Variants in ASCC3 observed in about 807,000 individuals in gnomAD.
ASCC3 encodes the protein ASC-1 complex subunit P200.
A neutral mutation model predicts 256.3 loss-of-function variants in ASCC3; 158 were observed. The ratio of observed to expected loss-of-function variants is 0.62; its 90% CI spans 0.54 to 0.70. ASCC3 has a LOEUF of 0.70. Ranked by LOEUF, ASCC3 falls within the 30% of genes least tolerant of loss-of-function variation. The pLI is 0.00. For missense variants in ASCC3, 2,259 were observed against 2,626.0 expected, an observed-to-expected ratio of 0.86 and a Z score of 3.05; for synonymous variants, 948 against 883.4, an observed-to-expected ratio of 1.07 and a Z score of -1.30.
chr6:100,516,295 G>A lies in ASCC3; in HGVS notation c.5960C>T (p.Ala1987Val), dbSNP rs762849129. Reference sequence around the variant, plus strand: ...GGACTCGATGGAGGTCCGACCCCTAGCATGTGGGCCCTTCATAATCGGCTT... The same window carrying A: ...GGACTCGATGGAGGTCCGACCCCTAACATGTGGGCCCTTCATAATCGGCTT... Reference protein sequence around the residue: ...KWKPIMKGPHARGRTSIESLP... With the variant: ...KWKPIMKGPHVRGRTSIESLP... The change falls in exon 39 of 42, where the codon GCT becomes GTT. Residue 1987 changes from alanine (A) to valine (V), a missense_variant. By Grantham distance (64) the Ala-to-Val change is moderately conservative. Coordinates refer to ENST00000369162, the MANE Select transcript of ASCC3 (RefSeq NM_006828.4). 1 of 1,613,708 alleles carries A rather than the reference G, an allele frequency of 6.2e-7. No homozygotes were observed. Among genetic ancestry groups the A allele is most frequent in the South Asian group, 1.1e-5 (1 of 91,074 alleles).
At chr6:100,831,705 A>G (rs1292476095) in intron 4 of ASCC3, among the ~76,000 whole-genome samples, 1 of 152,172 alleles carries the variant, frequency 6.6e-6, no homozygotes, top group Non-Finnish European at 1.5e-5. Flanking sequence ...AGATCAGTCT[A>G]AAAATTAAAA....
At chr6:100,532,197 C>T (rs1203263937) in intron 37 of ASCC3, among the ~76,000 whole-genome samples, 2 of 150,780 alleles carry the variant, frequency 1.3e-5, no homozygotes, top group African/African-American at 4.9e-5. Flanking sequence ...ACTGTGGTTG[C>T]CAAATATTTA....
chr6:100,781,011 G>A (rs1012157398), intron 8 of ASCC3, among the ~76,000 whole-genome samples: 20 of 152,294 alleles, frequency 1.3e-4, no homozygotes, highest in African/African-American at 4.6e-4. Context: ...TGACTACTAT[G>A]AGGCAGAAAT....
intron 11 of ASCC3, among the ~76,000 whole-genome samples, chr6:100,724,311 G>A (rs1485319477): frequency 6.6e-6 from 1 of 151,724 alleles, no homozygotes; most frequent in African/African-American, 2.4e-5. Context: ...TTTGAGAACT[G>A]GTAACTGGTG....
intron 5 of ASCC3, among the ~76,000 whole-genome samples, chr6:100,802,697 C>T (rs1038611006): frequency 9.9e-5 from 15 of 151,858 alleles, no homozygotes; most frequent in Non-Finnish European, 2.9e-5. Context: ...TAATAGATTA[C>T]CACTATTAAA....
At chr6:100,604,101 G>A (rs997324682) in intron 33 of ASCC3, among the ~76,000 whole-genome samples, 1 of 152,018 alleles carries the variant, frequency 6.6e-6, no homozygotes, top group Non-Finnish European at 1.5e-5. Context: ...AGATTCAATT[G>A]CTTTGGATAG....
chr6:100,513,593 A>G (rs1043012581), intron 39 of ASCC3, among the ~76,000 whole-genome samples: 1 of 152,202 alleles, frequency 6.6e-6, no homozygotes, highest in African/African-American at 2.4e-5. Context: ...TTTATATTTT[A>G]TATCATAAGG....
At chr6:100,608,397 C>T (rs563976364) in intron 30 of ASCC3, among the ~76,000 whole-genome samples, 4 of 20,532 alleles carry the variant, frequency 1.9e-4, no homozygotes, top group African/African-American at 4.6e-4. Context: ...TATATGTATA[C>T]CTTATATATA....
intron 10 of ASCC3, among the ~76,000 whole-genome samples, chr6:100,727,089 C>G (rs561872064): frequency 2.0e-5 from 3 of 152,184 alleles, no homozygotes; most frequent in South Asian, 4.1e-4. Flanking sequence ...ACTTTCCTTA[C>G]AGCTGTATAT....
intron 33 of ASCC3, among the ~76,000 whole-genome samples, chr6:100,602,241 T>G (rs912837987): frequency 3.9e-5 from 6 of 152,002 alleles, no homozygotes; most frequent in African/African-American, 1.4e-4. Flanking sequence ...TAAAGAAGTA[T>G]GTTATAATTT....
intron 36 of ASCC3, among the ~76,000 whole-genome samples, chr6:100,574,221 G>T (rs1562129379): frequency 6.6e-6 from 1 of 152,100 alleles, no homozygotes; most frequent in Non-Finnish European, 1.5e-5. Flanking sequence ...TTTAATAAAT[G>T]ACAAGCTAAA....
chr6:100,799,318 A>G, intron 7 of ASCC3, 113 bp downstream of exon 7: 1 of 1,202,054 alleles, frequency 8.3e-7, no homozygotes, highest in Non-Finnish European at 1.2e-6. Context: ...ACTTTAAAAT[A>G]AAATTTAGCA....
At chr6:100,615,162 C>T (rs561181797) in intron 30 of ASCC3, among the ~76,000 whole-genome samples, 28 of 152,116 alleles carry the variant, frequency 1.8e-4, no homozygotes, top group African/African-American at 6.3e-4. Context: ...ACTACAGGTG[C>T]GTGCCACCAC....
At chr6:100,598,799 T>A (rs931541185) in intron 34 of ASCC3, among the ~76,000 whole-genome samples, 15 of 152,200 alleles carry the variant, frequency 9.9e-5, no homozygotes, top group Non-Finnish European at 2.9e-5. Flanking sequence ...TAACTAAACC[T>A]TATCTAGTTC....
chr6:100,746,234 G>A (rs963390543), intron 10 of ASCC3, among the ~76,000 whole-genome samples: 7 of 148,256 alleles, frequency 4.7e-5, no homozygotes, highest in African/African-American at 1.5e-4. Flanking sequence ...TTTCAATCCC[G>A]GTGATCTACT....
At chr6:100,637,101 A>C (rs1206699894) in intron 25 of ASCC3, among the ~76,000 whole-genome samples, 1 of 152,198 alleles carries the variant, frequency 6.6e-6, no homozygotes, top group Non-Finnish European at 1.5e-5. Flanking sequence ...TCACAGGTAG[A>C]GAGGAGAAGT....
At chr6:100,526,006 A>G (rs992395619) in intron 37 of ASCC3, among the ~76,000 whole-genome samples, 1 of 152,130 alleles carries the variant, frequency 6.6e-6, no homozygotes, top group African/African-American at 2.4e-5. Context: ...CTTGCAAGTA[A>G]TGATACAATA....
intron 13 of ASCC3, among the ~76,000 whole-genome samples, chr6:100,686,924 T>G (rs921299134): frequency 2.0e-5 from 3 of 152,094 alleles, no homozygotes; most frequent in African/African-American, 7.2e-5. Context: ...GTATTGTGAA[T>G]ATTGTGTCCT....
chr6:100,848,782 A>T lies in ASCC3; in HGVS notation c.242-75T>A, dbSNP rs542268495. The stretch of plus-strand genomic sequence containing the variant: ...AGTTACGATCTTCCAAAAAATTACC[A>T]CAAATATTCTCCTGAGTAAATCTAA... On this transcript the variant is annotated intron_variant, in intron 3 of 41. Transcript: ENST00000369162. 1.3e-5 allele frequency: 18 copies of T among 1,398,304 alleles called. No individual in the cohort carries two copies. In the African/African-American group the frequency reaches 2.6e-4, roughly 20 times the overall value. 86.6% of individuals were successfully genotyped at this position (1,398,304 alleles called of 1,614,324 possible). A position where few individuals can be genotyped will look rare whatever the true frequency, so the allele number is the denominator to read the frequency against.
Sources: gnomAD v4.1 joint callset for allele counts (sites outside exome capture counted in the v4.1 genomes callset) on GRCh38, gnomAD v4.1.1 for gene constraint, MANE v1.5 for transcripts, NCBI Gene and HGNC (gene_info 2026-07-23, HGNC 2026-07-21) for gene names.